Variants in CTNNA2 observed in about 807,000 individuals in gnomAD.
CTNNA2 encodes the protein catenin alpha 2, also known as catenin alpha-2.
A neutral mutation model predicts 101.0 loss-of-function variants in CTNNA2; 42 were observed. The observed-to-expected ratio is 0.42, with a 90% CI of 0.32 to 0.54. The LOEUF (loss-of-function observed/expected upper bound fraction) is 0.54. Ranked by LOEUF, CTNNA2 falls within the 20% of genes least tolerant of loss-of-function variation. The pLI, the probability that CTNNA2 is intolerant of heterozygous loss-of-function variation, is 0.14. For synonymous variants in CTNNA2, 450 were observed against 456.4 expected (o/e 0.99, Z 0.18); for missense variants, 871 against 1,223.1 (o/e 0.71, Z 4.29).
chr2:79,822,099 T>G (rs1173036083), intron 3 of CTNNA2, among the ~76,000 whole-genome samples: 2 of 152,336 alleles, frequency 1.3e-5, no homozygotes, highest in Non-Finnish European at 2.9e-5. Flanking sequence ...CTGCCTAGCC[T>G]TCGGTAGCTT....
intron 4 of CTNNA2, among the ~76,000 whole-genome samples, chr2:79,860,725 A>G (rs1224468399): frequency 6.6e-6 from 1 of 152,094 alleles, no homozygotes; most frequent in East Asian, 1.9e-4. Context: ...GAATGTTGCT[A>G]TCTTGTGGAG....
At chr2:79,739,003 T>A (rs1460276194) in intron 2 of CTNNA2, among the ~76,000 whole-genome samples, 3 of 152,090 alleles carry the variant, frequency 2.0e-5, no homozygotes, top group East Asian at 1.9e-4. Flanking sequence ...TTGGAAAACA[T>A]CAGCTCCATC....
At chr2:79,610,155 G>A (rs1171612102) in intron 1 of CTNNA2, among the ~76,000 whole-genome samples, 3 of 152,078 alleles carry the variant, frequency 2.0e-5, no homozygotes, top group African/African-American at 4.8e-5. Flanking sequence ...TGGCAAATAA[G>A]CACGTGAAAA....
intron 7 of CTNNA2, among the ~76,000 whole-genome samples, chr2:80,137,872 G>A (rs1033929685): frequency 1.3e-5 from 2 of 152,028 alleles, no homozygotes; most frequent in African/African-American, 4.8e-5. Flanking sequence ...AGTGTCTTGG[G>A]CTGCAGTTTC....
intron 7 of CTNNA2, among the ~76,000 whole-genome samples, chr2:80,311,670 T>C (rs887898995): frequency 1.3e-5 from 2 of 152,244 alleles, no homozygotes; most frequent in African/African-American, 4.8e-5. Flanking sequence ...CTTAAAATGC[T>C]CTACGAGGGT....
intron 3 of CTNNA2, among the ~76,000 whole-genome samples, chr2:79,752,896 GT>G (rs1211677309): frequency 2.0e-5 from 3 of 152,186 alleles, no homozygotes; most frequent in Admixed American, 6.5e-5. Flanking sequence ...ACAGTTCAGG[GT>G]TGCATGAAGT....
chr2:80,199,047 G>T (rs1466422421), intron 7 of CTNNA2, among the ~76,000 whole-genome samples: 2 of 151,772 alleles, frequency 1.3e-5, no homozygotes, highest in Non-Finnish European at 2.9e-5. Context: ...TGGGTGTGGT[G>T]GTGCATGCCT....
chr2:79,879,381 T>C (rs1683256615), intron 6 of CTNNA2, among the ~76,000 whole-genome samples: 1 of 152,190 alleles, frequency 6.6e-6, no homozygotes, highest in Non-Finnish European at 1.5e-5. Flanking sequence ...TTGATGGAAG[T>C]AGCATTTATT....
intron 3 of CTNNA2, among the ~76,000 whole-genome samples, chr2:79,854,766 C>A (rs1210563431): frequency 6.6e-6 from 1 of 152,198 alleles, no homozygotes; most frequent in African/African-American, 2.4e-5. Flanking sequence ...TAATCAAGTA[C>A]ATGAGATTGA....
At chr2:79,499,727 C>T (rs2103801154) in intron 4 of CTNNA2, among the ~76,000 whole-genome samples, 1 of 152,264 alleles carries the variant, frequency 6.6e-6, no homozygotes, top group East Asian at 1.9e-4. Context: ...TTCTTAGGAC[C>T]TTGACATTTG....
intron 6 of CTNNA2, among the ~76,000 whole-genome samples, chr2:79,903,981 A>C (rs1435206525): frequency 1.3e-5 from 2 of 152,110 alleles, no homozygotes; most frequent in South Asian, 2.1e-4. Flanking sequence ...GGGCCCCTCT[A>C]TGGCACCGTA....
At chr2:79,678,639 T>G (rs1683354043) in intron 2 of CTNNA2, among the ~76,000 whole-genome samples, 2 of 152,018 alleles carry the variant, frequency 1.3e-5, no homozygotes, top group African/African-American at 4.8e-5. Flanking sequence ...GAAGCTAGTC[T>G]CCCATTTTCA....
chr2:80,436,973 G>C (rs116382192), intron 9 of CTNNA2, among the ~76,000 whole-genome samples: 165 of 152,306 alleles, frequency 1.1e-3, no homozygotes, highest in African/African-American at 3.9e-3. Flanking sequence ...ATAGTATTAA[G>C]AGGTGGGGCT....
chr2:80,199,311 G>A (rs997577967), intron 7 of CTNNA2, among the ~76,000 whole-genome samples: 2 of 151,208 alleles, frequency 1.3e-5, no homozygotes, highest in Admixed American at 1.3e-4. Flanking sequence ...TTCTAGCTAT[G>A]TGGTGAGCAA....
intron 11 of CTNNA2, among the ~76,000 whole-genome samples, chr2:80,549,530 A>G (rs956004388): frequency 6.6e-6 from 1 of 152,222 alleles, no homozygotes; most frequent in African/African-American, 2.4e-5. Flanking sequence ...ACAATAAAAT[A>G]TGTTGCAATC....
chr2:80,505,001 C>T (rs973302866), intron 9 of CTNNA2, among the ~76,000 whole-genome samples: 1 of 152,218 alleles, frequency 6.6e-6, no homozygotes, highest in Non-Finnish European at 1.5e-5. Context: ...ATACACCCAG[C>T]AGAGCACTGG....
rs1680577152 is a variant in CTNNA2 at position 79,643,225 on chromosome 2, A to C, written c.-5-8327A>C. Among the ~76,000 whole-genome samples, 2 of 152,034 alleles carry C rather than the reference A, an allele frequency of 1.3e-5. 1 individual carries two copies. The highest frequency in any genetic ancestry group is 1.3e-4 in the Admixed American group (2 of 15,246). On this transcript the variant is annotated intron_variant, in intron 1 of 18. Coordinates refer to ENST00000402739, the MANE Select transcript of CTNNA2 (RefSeq NM_001282597.3). ...TTAACAGAAAATTAGAACCACTATCATAGTTCAGATAACATATTTGGAAGA... is the reference window on the plus strand; with the variant it reads ...TTAACAGAAAATTAGAACCACTATCCTAGTTCAGATAACATATTTGGAAGA...
intron 9 of CTNNA2, among the ~76,000 whole-genome samples, chr2:80,535,692 C>T (rs1192633882): frequency 6.6e-6 from 1 of 152,156 alleles, no homozygotes; most frequent in African/African-American, 2.4e-5. Context: ...GATTCCACTT[C>T]CTCCTGTCCC....
chr2:79,913,001 C>CA (rs1176122616), intron 7 of CTNNA2, among the ~76,000 whole-genome samples: 9 of 152,084 alleles, frequency 5.9e-5, no homozygotes, highest in Non-Finnish European at 1.2e-4. Context: ...GTCTGCTGGC[C>CA]ATTTGTGCCA....
Sources: gnomAD v4.1 joint callset for allele counts (sites outside exome capture counted in the v4.1 genomes callset) on GRCh38, gnomAD v4.1.1 for gene constraint, MANE v1.5 for transcripts, NCBI Gene and HGNC (gene_info 2026-07-23, HGNC 2026-07-21) for gene names.